ADCY3: variants seen among roughly 807,000 people sequenced by gnomAD.
The protein encoded by ADCY3 is adenylate cyclase type 3.
In ADCY3, 70 loss-of-function variants were observed where a neutral mutation model predicts 119.4. That is an observed-to-expected ratio of 0.59 (90% CI 0.48 to 0.72). The LOEUF is 0.72. ADCY3 is among the 30% of genes least tolerant of loss of function. The pLI, the probability that ADCY3 is intolerant of heterozygous loss-of-function variation, is 0.00. For missense variants in ADCY3, 1,238 were observed against 1,541.6 expected, an observed-to-expected ratio of 0.80 and a Z score of 3.30; for synonymous variants, 672 against 621.4, an observed-to-expected ratio of 1.08 and a Z score of -1.21.
rs563487135 is a variant in ADCY3 at position 24,893,270 on chromosome 2, C to A, written c.676-20551G>T. On this transcript the variant is annotated intron_variant, in intron 2 of 21. Transcript: ENST00000679454. ...CCTGTAGTCCCAGCTACTTGGGAGG[C>A]TGAGGGAGGAGAATCACTTGAACCC... Among the ~76,000 whole-genome samples the A allele has an allele frequency of 2.0e-5, 3 of 152,206 alleles. No homozygotes were observed. In the South Asian group the frequency reaches 6.2e-4, roughly 32 times the overall value.
Position 24,831,844 on chromosome 2 carries a change from CCAGGGGA to C in ADCY3, c.1968-102_1968-96del, listed in dbSNP as rs1655809191. On this transcript the variant is annotated intron_variant, in intron 11 of 21. Transcript: ENST00000679454. ...GAAGGGACGGGGATGGGGGCAGGGG[CCAGGGGA>C]CAGCGGACAGGGGGCAGGGGACAGT... The C allele has an allele frequency of 4.7e-5, 31 of 665,402 alleles. 1 individual carries two copies. The South Asian group carries it at 5.3e-4, about 11-fold the overall frequency. The allele number at this position is 665,402 out of a possible 1,614,324, so 41.2% of individuals were successfully genotyped here.
At chr2:24,900,928 G>A (rs145002074) in intron 2 of ADCY3, among the ~76,000 whole-genome samples, 11 of 152,158 alleles carry the variant, frequency 7.2e-5, no homozygotes, top group Non-Finnish European at 2.9e-5. Flanking sequence ...AGCTGGGCGT[G>A]GTAGTGGGCA....
rs1671113723 is a variant in ADCY3 at position 24,842,367 on chromosome 2, G to A, written c.843C>T (p.Ser281=). The change falls in exon 4 of 22, where the codon TCC becomes TCT. Residue 281 remains serine (S), a synonymous_variant. Transcript: ENST00000679454. This position sits in a 1 kb window ranked among gnomAD's most constrained non-coding sequence, Gnocchi z 4.9. ...QSQQQENLML[S]ILPKHVADEM... is the part of the protein sequence containing the mutation. ...CGTCAGCCACGTGCTTGGGCAGGAT[G>A]GAAAGCATGAGGTTCTCCTGTGAGG... 6.2e-7 allele frequency: 1 copy of A among 1,614,044 alleles called. No homozygotes were observed. The highest frequency in any genetic ancestry group is 1.3e-5 in the African/African-American group (1 of 74,938).
At chr2:24,825,349 T>TG (rs1558404233) in intron 16 of ADCY3, among the ~76,000 whole-genome samples, 3 of 83,858 alleles carry the variant, frequency 3.6e-5, no homozygotes, top group African/African-American at 1.3e-4. Context: ...GGGGGGGGGG[T>TG]GCGGGGGGGG....
At chr2:24,901,779 T>TAA (rs5829948) in intron 2 of ADCY3, among the ~76,000 whole-genome samples, 3,260 of 128,560 alleles carry the variant, frequency 0.025, 60 homozygotes, top group South Asian at 0.053. Flanking sequence ...ACCTCATCTT[T>TAA]AAAAAAAAAA....
At chr2:24,868,978 C>T (rs184918359) in intron 3 of ADCY3, among the ~76,000 whole-genome samples, 8 of 151,882 alleles carry the variant, frequency 5.3e-5, no homozygotes, top group Non-Finnish European at 8.8e-5. Flanking sequence ...GAGCCTAGAT[C>T]GCGCCACTGC....
chr2:24,895,853 T>A (rs559686230), intron 2 of ADCY3, among the ~76,000 whole-genome samples: 1 of 152,198 alleles, frequency 6.6e-6, no homozygotes, highest in Non-Finnish European at 1.5e-5. Flanking sequence ...ATATTTTATC[T>A]TTATGTGCTT....
chr2:24,881,961 C>A (rs1442968686), intron 2 of ADCY3, among the ~76,000 whole-genome samples: 3 of 152,232 alleles, frequency 2.0e-5, no homozygotes, highest in African/African-American at 7.2e-5. Flanking sequence ...GTCAACGGAG[C>A]CAACGTCAAG....
chr2:24,843,021 C>G (rs1330571269), intron 3 of ADCY3, among the ~76,000 whole-genome samples: 1 of 152,162 alleles, frequency 6.6e-6, no homozygotes, highest in Non-Finnish European at 1.5e-5. Context: ...ATCAAGGAGG[C>G]CTTCCTGAAG....
At chr2:24,838,372 A>C in intron 8 of ADCY3, 73 bp downstream of exon 8, 4 of 1,374,748 alleles carry the variant, frequency 2.9e-6, no homozygotes, top group Non-Finnish European at 3.9e-6. Flanking sequence ...ATCTTTCCTT[A>C]ATCTCCTCCT....
chr2:24,831,920 G>GA (rs1669588635), intron 11 of ADCY3, among the ~76,000 whole-genome samples, 171 bp from the exon 12 acceptor site: 1 of 66,128 alleles, frequency 1.5e-5, no homozygotes, highest in Non-Finnish European at 3.4e-5. Flanking sequence ...GGGGCCAGGG[G>GA]ACAGCGGACA....
At chr2:24,881,364 G>A (rs17046711) in intron 2 of ADCY3, among the ~76,000 whole-genome samples, 5,228 of 152,240 alleles carry the variant, frequency 0.034, 305 homozygotes, top group African/African-American at 0.12. Flanking sequence ...GAAAACAGCT[G>A]GCACCGACGT....
Position 24,842,462 on chromosome 2 carries a change from C to A in ADCY3, c.826-78G>T. 1 of 1,573,070 alleles carries A rather than the reference C, an allele frequency of 6.4e-7. No individual in the cohort carries two copies. The highest frequency in any genetic ancestry group is 2.3e-5 in the East Asian group (1 of 44,208). ...GTTCAGATACTTCTGGGAAGAAATG[C>A]CCCGATCCTGGCAAGAAACGTGAGC... is the stretch of plus-strand genomic sequence containing the variant. On this transcript the variant is annotated intron_variant, in intron 3 of 21. Coordinates refer to ENST00000679454, the MANE Select transcript of ADCY3 (RefSeq NM_004036.5). The surrounding 1 kb of genome is among the most constrained non-coding windows in gnomAD (Gnocchi z 4.9).
intron 3 of ADCY3, among the ~76,000 whole-genome samples, chr2:24,857,889 C>T (rs948328701): frequency 3.9e-5 from 6 of 152,090 alleles, no homozygotes; most frequent in Non-Finnish European, 8.8e-5. Flanking sequence ...CCTGACATAG[C>T]ACATACTCGT....
chr2:24,868,163 T>C (rs1281717388), intron 3 of ADCY3, among the ~76,000 whole-genome samples: 2 of 152,176 alleles, frequency 1.3e-5, no homozygotes, highest in Admixed American at 6.5e-5. Flanking sequence ...AACAACATAA[T>C]TGTAAACAAA....
At position 24,838,518 on chromosome 2, in the gene ADCY3, A is replaced by AT; in HGVS notation, c.1459dup (p.Ile487AsnfsTer2). The AT allele has an allele frequency of 6.2e-7, 1 of 1,614,036 alleles. No homozygotes were observed. Among genetic ancestry groups the AT allele is most frequent in the Non-Finnish European group, 8.5e-7 (1 of 1,180,014 alleles). On this transcript the variant is annotated frameshift_variant, in exon 8 of 22. Coordinates refer to ENST00000679454, the MANE Select transcript of ADCY3 (RefSeq NM_004036.5). LOFTEE classifies it high-confidence loss of function. The stretch of plus-strand genomic sequence containing the variant: ...GGAGGCAATGATGAGGTAGGTTTCA[A>AT]TACCCTTCTCTTCTAGGTAATCACA...
At chr2:24,912,383 C>T (rs1663823204) in intron 2 of ADCY3, among the ~76,000 whole-genome samples, 1 of 151,870 alleles carries the variant, frequency 6.6e-6, no homozygotes, top group Non-Finnish European at 1.5e-5. Context: ...CAGCCAGGGG[C>T]AGAGGGTGGT....
chr2:24,869,698 C>T (rs905239692), intron 3 of ADCY3, among the ~76,000 whole-genome samples: 1 of 152,176 alleles, frequency 6.6e-6, no homozygotes, highest in Admixed American at 6.5e-5. Flanking sequence ...AGCCACCTGC[C>T]TGGCCACACC....
intron 7 of ADCY3, 157 bp from the exon 8 acceptor site, chr2:24,838,779 C>G: frequency 6.3e-7 from 1 of 1,593,926 alleles, no homozygotes; most frequent in Non-Finnish European, 8.6e-7. Flanking sequence ...CTGCCACTAA[C>G]TAGCTGTGTG....
Sources: gnomAD v4.1 joint callset for allele counts (sites outside exome capture counted in the v4.1 genomes callset) on GRCh38, gnomAD v4.1.1 for gene constraint, Gnocchi (gnomAD v3.1) non-coding constraint, MANE v1.5 for transcripts, NCBI Gene and HGNC (gene_info 2026-07-23, HGNC 2026-07-21) for gene names.